Variants in C11orf52 observed in about 807,000 individuals in gnomAD.
C11orf52 encodes the protein chromosome 11 open reading frame 52.
C11orf52 carries 9 observed loss-of-function variants against 11.7 expected under a neutral mutation model. The ratio of observed to expected loss-of-function variants is 0.77; its 90% CI spans 0.46 to 1.34. The LOEUF is 1.34. Ranked by LOEUF, C11orf52 falls within the 40% of genes most tolerant of loss-of-function variation. The pLI is 0.00. For synonymous variants in C11orf52, 49 were observed against 57.4 expected, an observed-to-expected ratio of 0.85 and a Z score of 0.66; for missense variants, 139 against 154.8, an observed-to-expected ratio of 0.90 and a Z score of 0.54.
Position 111,926,034 on chromosome 11 carries a change from C to T in C11orf52, c.207C>T (p.Leu69=), listed in dbSNP as rs1555166932. The change falls in exon 4 of 4, where the codon CTC becomes CTT. Residue 69 remains leucine (L), a synonymous_variant. Transcript: ENST00000278601. ...QQGSQERSPG[L]MSEDSNLHYA... is the part of the protein sequence containing the mutation. ...GGTCTCAAGAGAGGAGTCCAGGCCT[C>T]ATGTCGGAAGACAGCAACTTACATT... is the stretch of plus-strand genomic sequence containing the variant. 6.2e-7 allele frequency: 1 copy of T among 1,614,246 alleles called. No homozygotes were observed. The highest frequency in any genetic ancestry group is 8.5e-7 in the Non-Finnish European group (1 of 1,180,042).
intron 1 of C11orf52, among the ~76,000 whole-genome samples, chr11:111,921,637 A>G (rs1965700579): frequency 6.6e-6 from 1 of 152,230 alleles, no homozygotes; most frequent in African/African-American, 2.4e-5. Flanking sequence ...AGGAGATGTA[A>G]CAGCTTCTTT....
In C11orf52 at chr11:111,926,558, T is replaced by C. The variant is rs1555167006; in HGVS notation, c.*359T>C. The C allele has an allele frequency of 1.1e-5, 3 of 277,106 alleles. No individual in the cohort carries two copies. The highest frequency in any genetic ancestry group is 2.1e-5 in the Non-Finnish European group (3 of 144,174). 17.2% of individuals were successfully genotyped at this position (277,106 alleles called of 1,614,324 possible). ...CCCATAAGCACGTGGGCTGATCTTG[T>C]TGGACTTTAATTAATGGTATCCTTT... is the stretch of plus-strand genomic sequence containing the variant. On this transcript the variant is annotated 3_prime_UTR_variant, in exon 4 of 4. Coordinates refer to ENST00000278601, the MANE Select transcript of C11orf52 (RefSeq NM_080659.3).
intron 2 of C11orf52, among the ~76,000 whole-genome samples, chr11:111,925,073 G>A (rs782091954): frequency 6.6e-6 from 1 of 152,078 alleles, no homozygotes; most frequent in African/African-American, 2.4e-5. Context: ...GCAGTGAGTC[G>A]AGATCGCGCC....
At chr11:111,925,519 T>A (rs895627328) in intron 2 of C11orf52, 134 bp from the exon 3 acceptor site, 3 of 868,402 alleles carry the variant, frequency 3.5e-6, no homozygotes, top group African/African-American at 3.4e-5. Flanking sequence ...CTAGTAGACA[T>A]GAAAGAAGTG....
chr11:111,920,052 G>A (rs999578750), intron 1 of C11orf52, among the ~76,000 whole-genome samples: 5 of 151,830 alleles, frequency 3.3e-5, no homozygotes, highest in African/African-American at 1.2e-4. Context: ...AAAATTAGCC[G>A]GGCGTGGTGG....
Position 111,926,230 on chromosome 11 carries a change from A to T in C11orf52, c.*31A>T. The stretch of plus-strand genomic sequence containing the variant: ...TGGGAGGAAGGCCCAGTCCATCGTT[A>T]ACCACTACACCTGTGGGGGAGAACC... On this transcript the variant is annotated 3_prime_UTR_variant, in exon 4 of 4. Transcript: ENST00000278601. 1.2e-6 allele frequency: 2 copies of T among 1,610,434 alleles called. No individual in the cohort carries two copies. Among genetic ancestry groups the T allele is most frequent in the Non-Finnish European group, 1.7e-6 (2 of 1,177,812 alleles).
chr11:111,920,368 T>C (rs587701331), intron 1 of C11orf52, among the ~76,000 whole-genome samples: 27 of 151,142 alleles, frequency 1.8e-4, no homozygotes, highest in Non-Finnish European at 3.4e-4. Context: ...AAACACCATC[T>C]CTACTAAAAA....
chr11:111,919,711 T>A (rs1476539719), intron 1 of C11orf52, among the ~76,000 whole-genome samples: 3 of 152,188 alleles, frequency 2.0e-5, no homozygotes, highest in Admixed American at 2.0e-4. Context: ...TTGCCCCTCC[T>A]CCTATTTTAC....
intron 1 of C11orf52, among the ~76,000 whole-genome samples, chr11:111,922,324 A>G (rs1224405443): frequency 6.6e-6 from 1 of 152,126 alleles, no homozygotes; most frequent in Non-Finnish European, 1.5e-5. Flanking sequence ...TTTGTTCTCT[A>G]TTTTTTGTTA....
In C11orf52 at chr11:111,926,054, T is replaced by G; in HGVS notation, c.227T>G (p.Leu76Ter). Reference protein sequence around the residue: ...SPGLMSEDSNLHYADIQVCSR... With the variant: ...SPGLMSEDSN ...GGCCTCATGTCGGAAGACAGCAACT[T>G]ACATTATGCTGACATTCAAGTGTGC... The change falls in exon 4 of 4, where the codon TTA becomes TGA. Residue 76 changes from leucine (L) to a stop codon, truncating the protein, a stop_gained. Coordinates refer to ENST00000278601, the MANE Select transcript of C11orf52 (RefSeq NM_080659.3). LOFTEE classifies it low-confidence loss of function (END_TRUNC). 6.2e-7 allele frequency: 1 copy of G among 1,614,218 alleles called. No individual in the cohort carries two copies. Among genetic ancestry groups the G allele is most frequent in the Non-Finnish European group, 8.5e-7 (1 of 1,180,042 alleles).
At position 111,926,299 on chromosome 11, in the gene C11orf52, C is replaced by G. The variant is rs1965808277; in HGVS notation, c.*100C>G. ...GGTGGCAACCCAGGGATGTTGTCCA[C>G]GTTTTAAGCTTAAAGAACTCCAAAG... On this transcript the variant is annotated 3_prime_UTR_variant, in exon 4 of 4. Coordinates refer to ENST00000278601, the MANE Select transcript of C11orf52 (RefSeq NM_080659.3). 1 of 1,531,610 alleles carries G rather than the reference C, an allele frequency of 6.5e-7. No homozygotes were observed. The highest frequency in any genetic ancestry group is 8.8e-7 in the Non-Finnish European group (1 of 1,133,126). The allele number at this position is 1,531,610 out of a possible 1,614,324, so 94.9% of individuals were successfully genotyped here. A position where few individuals can be genotyped will look rare whatever the true frequency, so the allele number is the denominator to read the frequency against.
intron 1 of C11orf52, among the ~76,000 whole-genome samples, chr11:111,920,232 A>G (rs1394622828): frequency 6.6e-5 from 10 of 151,862 alleles, no homozygotes; most frequent in Non-Finnish European, 1.5e-5. Context: ...AAATAAAATA[A>G]AATAAATTAA....
chr11:111,926,169 C>G lies in C11orf52; in HGVS notation c.342C>G (p.Arg114=). Residue 114 remains arginine (R), a synonymous_variant, in exon 4 of 4, where the codon CGC becomes CGG. Coordinates refer to ENST00000278601, the MANE Select transcript of C11orf52 (RefSeq NM_080659.3). The part of the protein sequence containing the change: ...ATLRFPQATP[R]YDSKNGTLV ...TTCGCTTCCCCCAGGCCACACCTCG[C>G]TATGACAGCAAGAACGGGACCCTGG... 8.1e-6 allele frequency: 13 copies of G among 1,614,254 alleles called. No individual in the cohort carries two copies. The highest frequency in any genetic ancestry group is 1.1e-5 in the Non-Finnish European group (13 of 1,180,046).
chr11:111,921,063 T>A (rs1965690359), intron 1 of C11orf52, among the ~76,000 whole-genome samples: 1 of 152,260 alleles, frequency 6.6e-6, no homozygotes, highest in Non-Finnish European at 1.5e-5. Flanking sequence ...TTCCTGGTCC[T>A]GGTTTTATTC....
chr11:111,925,276 G>A (rs1370710700), intron 2 of C11orf52, among the ~76,000 whole-genome samples: 1 of 151,888 alleles, frequency 6.6e-6, no homozygotes, highest in Non-Finnish European at 1.5e-5. Context: ...TGCATTGTAA[G>A]TGTGTTTACT....
chr11:111,920,495 G>A (rs965350101), intron 1 of C11orf52, among the ~76,000 whole-genome samples: 5 of 151,886 alleles, frequency 3.3e-5, no homozygotes, highest in Admixed American at 6.6e-5. Flanking sequence ...CTGAGATTGC[G>A]CCACTGCAGT....
At chr11:111,922,904 TAGAAG>T (rs2137401982) in intron 1 of C11orf52, among the ~76,000 whole-genome samples, 1 of 152,314 alleles carries the variant, frequency 6.6e-6, no homozygotes. Context: ...ATTACCACTG[TAGAAG>T]AATGCCCACT....
chr11:111,923,503 T>A (rs1424634758), intron 1 of C11orf52, among the ~76,000 whole-genome samples: 1 of 152,144 alleles, frequency 6.6e-6, no homozygotes, highest in Non-Finnish European at 1.5e-5. Flanking sequence ...GAGTTGGAAA[T>A]GTACTAGCAA....
At position 111,926,276 on chromosome 11, in the gene C11orf52, T is replaced by C. The variant is rs1965807869; in HGVS notation, c.*77T>C. On this transcript the variant is annotated 3_prime_UTR_variant, in exon 4 of 4. Transcript: ENST00000278601. ...GAACCTACTGCTTTGGGGAATTGGG[T>C]GGCAACCCAGGGATGTTGTCCACGT... 5 of 1,578,922 alleles carry C rather than the reference T, an allele frequency of 3.2e-6. No homozygotes were observed. The highest frequency in any genetic ancestry group is 3.5e-5 in the Admixed American group (2 of 57,778).
Sources: allele counts gnomAD v4.1 joint callset (sites outside exome capture counted in the v4.1 genomes callset), GRCh38; gene constraint gnomAD v4.1.1; transcripts MANE v1.5; gene names NCBI Gene and HGNC (gene_info 2026-07-23, HGNC 2026-07-21).